The following HEATR5B variants were observed in gnomAD, a reference collection of about 807,000 sequenced individuals.
HEATR5B encodes the protein HEAT repeat containing 5B, also known as HEAT repeat-containing protein 5B.
Under a neutral mutation model 224.1 loss-of-function variants are expected in HEATR5B, and 156 were observed. The observed-to-expected ratio is 0.70, with a 90% CI of 0.61 to 0.80. The LOEUF (loss-of-function observed/expected upper bound fraction) is 0.80, where lower values mean the gene tolerates loss of function less well. HEATR5B is among the 30% of genes least tolerant of loss of function. The pLI, the probability that HEATR5B is intolerant of heterozygous loss-of-function variation, is 0.00. For missense variants in HEATR5B, 2,323 were observed against 2,535.5 expected, an observed-to-expected ratio of 0.92 and a Z score of 1.80; for synonymous variants, 1,027 against 893.0, an observed-to-expected ratio of 1.15 and a Z score of -2.68.
At chr2:37,050,568 T>C (rs1368802258) in intron 17 of HEATR5B, among the ~76,000 whole-genome samples, 1 of 152,214 alleles carries the variant, frequency 6.6e-6, no homozygotes, top group Non-Finnish European at 1.5e-5. Flanking sequence ...AATGGATTGG[T>C]TCTATCTTTT....
chr2:37,062,073 G>C (rs1478771525), intron 10 of HEATR5B, 23 bp from the exon 11 acceptor site: 1 of 1,332,654 alleles, frequency 7.5e-7, no homozygotes, highest in Admixed American at 1.7e-5. Flanking sequence ...TTTAGAATTG[G>C]ATTTTAATTC....
At chr2:37,070,412 T>C in intron 6 of HEATR5B, 25 bp from the exon 7 acceptor site, 2 of 1,591,242 alleles carry the variant, frequency 1.3e-6, no homozygotes, top group Non-Finnish European at 1.7e-6. Context: ...AATTAAAGTA[T>C]AAGCAAATAT....
In HEATR5B at chr2:37,082,472, T is replaced by C. The variant is rs145008783; in HGVS notation, c.126+817A>G. The stretch of plus-strand genomic sequence containing the variant: ...AACTGGCTCCAAAACTGGCCATAAA[T>C]AAAATCTCTGCAGCACTGTGACATG... On this transcript the variant is annotated intron_variant, in intron 2 of 35. Transcript: ENST00000233099. Among the ~76,000 whole-genome samples the C allele has an allele frequency of 9.7e-3, 1,482 of 152,218 alleles. 25 individuals carry two copies. Among genetic ancestry groups the C allele is most frequent in the African/African-American group, 0.034 (1,392 of 41,534 alleles).
chr2:37,020,549 A>G, intron 25 of HEATR5B, 106 bp downstream of exon 25: 1 of 723,340 alleles, frequency 1.4e-6, no homozygotes, highest in Non-Finnish European at 2.2e-6. Context: ...ATTCTACAGA[A>G]ATAAACAGAT....
chr2:37,011,722 T>C (rs535423043), intron 27 of HEATR5B, among the ~76,000 whole-genome samples: 1 of 152,332 alleles, frequency 6.6e-6, no homozygotes, highest in East Asian at 1.9e-4. Context: ...ATTTTATATT[T>C]ACTTCTAATT....
intron 21 of HEATR5B, among the ~76,000 whole-genome samples, chr2:37,036,260 G>A (rs142770405): frequency 2.1e-3 from 324 of 152,310 alleles, no homozygotes; most frequent in African/African-American, 7.2e-3. Context: ...TTTTATGTAT[G>A]TAGAAAGTCT....
intron 18 of HEATR5B, among the ~76,000 whole-genome samples, chr2:37,042,643 G>T (rs1328658698): frequency 6.6e-6 from 1 of 152,180 alleles, no homozygotes; most frequent in African/African-American, 2.4e-5. Context: ...TGTAATCCCA[G>T]CATTTTGGGA....
intron 2 of HEATR5B, among the ~76,000 whole-genome samples, chr2:37,080,133 AG>A (rs1319977841): frequency 2.0e-5 from 3 of 152,238 alleles, no homozygotes; most frequent in Non-Finnish European, 4.4e-5. Context: ...GACACCAAGA[AG>A]GCCAGTTTGG....
At chr2:36,982,003 A>C (rs1480636652) in intron 35 of HEATR5B, among the ~76,000 whole-genome samples, 1 of 150,850 alleles carries the variant, frequency 6.6e-6, no homozygotes, top group Non-Finnish European at 1.5e-5. Flanking sequence ...TATATTTTAC[A>C]TTTATATTAA....
At chr2:37,013,246 G>A (rs1403388339) in intron 27 of HEATR5B, among the ~76,000 whole-genome samples, 1 of 152,186 alleles carries the variant, frequency 6.6e-6, no homozygotes, top group African/African-American at 2.4e-5. Flanking sequence ...GTAGAGGAAG[G>A]AATTAGTTAC....
At chr2:37,015,438 A>G (rs1384664018) in intron 26 of HEATR5B, among the ~76,000 whole-genome samples, 1 of 152,206 alleles carries the variant, frequency 6.6e-6, no homozygotes, top group African/African-American at 2.4e-5. Context: ...GATGATACGG[A>G]TCAAACTGGG....
At chr2:37,051,275 G>C (rs1192728331) in intron 17 of HEATR5B, among the ~76,000 whole-genome samples, 2 of 137,132 alleles carry the variant, frequency 1.5e-5, no homozygotes, top group Admixed American at 7.8e-5. Flanking sequence ...AGAATCGCTT[G>C]AACCTGGGAG....
intron 29 of HEATR5B, 59 bp from the exon 30 acceptor site, chr2:37,005,818 A>T: frequency 7.5e-7 from 1 of 1,330,806 alleles, no homozygotes; most frequent in Non-Finnish European, 1.0e-6. Flanking sequence ...ATGTTGTTTG[A>T]TCCCATATTT....
Position 37,005,714 on chromosome 2 carries a change from A to G in HEATR5B, c.4823T>C (p.Ile1608Thr). 1.2e-6 allele frequency: 2 copies of G among 1,611,004 alleles called. No individual in the cohort carries two copies. The highest frequency in any genetic ancestry group is 8.5e-7 in the Non-Finnish European group (1 of 1,178,262). The change falls in exon 30 of 36, where the codon ATT (isoleucine) becomes ACT (threonine). Residue 1608 changes from isoleucine to threonine, a missense_variant. Physicochemically the swap from Ile to Thr is moderately conservative, Grantham distance 89. Around this residue, in one of 12 missense-constraint regions of HEATR5B, gnomAD observed 844 missense variants for 812.9 expected, o/e 1.04. Coordinates refer to ENST00000233099, the MANE Select transcript of HEATR5B (RefSeq NM_019024.3). ...FLCSPRPEEP[I>T]EHVTACLQAL... Reference sequence around the variant, plus strand: ...CTGCAGGCATGCTGTAACATGTTCAATGGGCTCCTCAGGTCTAGGGGAACA... The same window carrying G: ...CTGCAGGCATGCTGTAACATGTTCAGTGGGCTCCTCAGGTCTAGGGGAACA...
Position 37,083,417 on chromosome 2 carries a change from C to A in HEATR5B, c.-3G>T. On this transcript the variant is annotated 5_prime_UTR_variant, in exon 2 of 36. Coordinates refer to ENST00000233099, the MANE Select transcript of HEATR5B (RefSeq NM_019024.3). ...AATAAACTGTGGGCTAACTCCATTA[C>A]GGAAGTTTGAAATTCACACCTTAAA... 1 of 1,609,602 alleles carries A rather than the reference C, an allele frequency of 6.2e-7. No homozygotes were observed. The highest frequency in any genetic ancestry group is 8.5e-7 in the Non-Finnish European group (1 of 1,178,138).
intron 22 of HEATR5B, among the ~76,000 whole-genome samples, chr2:37,030,621 C>T (rs1341703998): frequency 6.6e-6 from 1 of 152,152 alleles, no homozygotes; most frequent in African/African-American, 2.4e-5. Flanking sequence ...ATCTGTAGTA[C>T]AAGAAATATC....
chr2:37,042,631 C>A (rs999503516), intron 18 of HEATR5B, among the ~76,000 whole-genome samples: 3 of 152,134 alleles, frequency 2.0e-5, no homozygotes, highest in African/African-American at 7.2e-5. Flanking sequence ...GTGGCTCATG[C>A]CTGTAATCCC....
In HEATR5B at chr2:37,038,031, CA is replaced by C; in HGVS notation, c.3047-8del. On this transcript the variant is annotated splice_polypyrimidine_tract_variant and splice_region_variant and intron_variant, in intron 20 of 35. Coordinates refer to ENST00000233099, the MANE Select transcript of HEATR5B (RefSeq NM_019024.3). ...GAAGTTGTTGCTCCATTCCCTGGTG[CA>C]AAATGAAAGAAAATATAAAATATAA... 1 of 1,468,200 alleles carries C rather than the reference CA, an allele frequency of 6.8e-7. No individual in the cohort carries two copies. The highest frequency in any genetic ancestry group is 1.5e-5 in the South Asian group (1 of 65,796). The allele number at this position is 1,468,200 out of a possible 1,614,324, so 90.9% of individuals were successfully genotyped here. A position where few individuals can be genotyped will look rare whatever the true frequency, so the allele number is the denominator to read the frequency against.
chr2:37,067,634 G>GACCA (rs1671665397), intron 8 of HEATR5B, among the ~76,000 whole-genome samples: 1 of 152,082 alleles, frequency 6.6e-6, no homozygotes, highest in African/African-American at 2.4e-5. Flanking sequence ...CAGGGTGTGT[G>GACCA]GTGGCACACG....
Sources: gnomAD v4.1 joint callset for allele counts (sites outside exome capture counted in the v4.1 genomes callset) on GRCh38, gnomAD v4.1.1 for gene constraint, gnomAD v4.1.1 regional missense constraint, MANE v1.5 for transcripts, NCBI Gene and HGNC (gene_info 2026-07-23, HGNC 2026-07-21) for gene names.